Variants in MAD1L1 observed in about 807,000 individuals in gnomAD.
MAD1L1 encodes the protein mitotic spindle assembly checkpoint protein MAD1.
Under a neutral mutation model 96.9 loss-of-function variants are expected in MAD1L1, and 95 were observed. That is an observed-to-expected ratio of 0.98 (90% CI 0.83 to 1.16). The LOEUF is 1.16. Among genes scored for constraint, MAD1L1 ranks in the 50% most tolerant of loss-of-function variants. The pLI, the probability that MAD1L1 is intolerant of heterozygous loss-of-function variation, is 0.00. For missense variants in MAD1L1, 1,007 were observed against 954.4 expected (o/e 1.06, Z -0.73); for synonymous variants, 473 against 396.6 (o/e 1.19, Z -2.29).
intron 14 of MAD1L1, among the ~76,000 whole-genome samples, chr7:1,993,455 G>A (rs1210698752): frequency 3.3e-5 from 5 of 151,694 alleles, no homozygotes; most frequent in Admixed American, 6.6e-5. Flanking sequence ...TTCTGAAAGA[G>A]AAAATAACAC....
intron 18 of MAD1L1, among the ~76,000 whole-genome samples, chr7:1,878,666 T>A (rs1404318589): frequency 6.6e-6 from 1 of 151,946 alleles, no homozygotes; most frequent in Non-Finnish European, 1.5e-5. Flanking sequence ...AACTCATATT[T>A]AACAGCATAC....
At chr7:1,907,450 A>C (rs534485189) in intron 17 of MAD1L1, among the ~76,000 whole-genome samples, 49 of 152,382 alleles carry the variant, frequency 3.2e-4, no homozygotes, top group African/African-American at 1.2e-3. Context: ...GGCTTTAAAA[A>C]ACCCACAAAA....
chr7:1,936,569 G>C, intron 17 of MAD1L1, 118 bp downstream of exon 17: 1 of 1,073,364 alleles, frequency 9.3e-7, no homozygotes, highest in Non-Finnish European at 1.3e-6. Context: ...GCCCACAGGG[G>C]AGGACAAACC....
intron 18 of MAD1L1, among the ~76,000 whole-genome samples, chr7:1,851,106 C>G (rs1341415614): frequency 6.6e-6 from 1 of 152,260 alleles, no homozygotes; most frequent in Non-Finnish European, 1.5e-5. Flanking sequence ...GCGTCTGTGC[C>G]AGAATCTATA....
At chr7:1,830,704 A>G (rs1385843565) in intron 18 of MAD1L1, among the ~76,000 whole-genome samples, 1 of 151,602 alleles carries the variant, frequency 6.6e-6, no homozygotes, top group Non-Finnish European at 1.5e-5. Flanking sequence ...TCATTCGAGG[A>G]TGACTGTTAA....
At chr7:2,215,059 C>T (rs898928775) in intron 9 of MAD1L1, among the ~76,000 whole-genome samples, 10 of 151,976 alleles carry the variant, frequency 6.6e-5, no homozygotes, top group Non-Finnish European at 1.5e-4. Context: ...CAGGGAGACC[C>T]CATCTCTACA....
At chr7:2,007,712 C>T (rs1782098080) in intron 13 of MAD1L1, among the ~76,000 whole-genome samples, 1 of 152,198 alleles carries the variant, frequency 6.6e-6, no homozygotes, top group Admixed American at 6.5e-5. Context: ...CCCCACAATC[C>T]TACTCCTGGA....
chr7:1,952,008 A>T (rs1312261178), intron 16 of MAD1L1, among the ~76,000 whole-genome samples: 2 of 152,194 alleles, frequency 1.3e-5, no homozygotes, highest in African/African-American at 2.4e-5. Flanking sequence ...CATCAGTGGC[A>T]GCACCATGGC....
At chr7:1,996,107 C>T (rs1434978577) in intron 14 of MAD1L1, among the ~76,000 whole-genome samples, 1 of 151,808 alleles carries the variant, frequency 6.6e-6, no homozygotes, top group Non-Finnish European at 1.5e-5. Context: ...CCACGCCTCC[C>T]GTGTGTGCCG....
At chr7:2,070,879 A>T (rs1286796084) in intron 11 of MAD1L1, among the ~76,000 whole-genome samples, 1 of 152,206 alleles carries the variant, frequency 6.6e-6, no homozygotes, top group Non-Finnish European at 1.5e-5. Flanking sequence ...ACTTGAGGAA[A>T]AGTTTCATCC....
At chr7:1,891,354 T>C (rs1051570281) in intron 18 of MAD1L1, among the ~76,000 whole-genome samples, 2 of 151,928 alleles carry the variant, frequency 1.3e-5, no homozygotes, top group Non-Finnish European at 2.9e-5. Flanking sequence ...TGAAACCCCG[T>C]CTCTACTAAA....
chr7:2,085,314 A>C (rs1785858530), intron 11 of MAD1L1, among the ~76,000 whole-genome samples: 1 of 152,230 alleles, frequency 6.6e-6, no homozygotes, highest in Non-Finnish European at 1.5e-5. Flanking sequence ...GGTGCCTGCT[A>C]ACAAGCTCCA....
chr7:2,152,386 A>G (rs534709368), intron 10 of MAD1L1, among the ~76,000 whole-genome samples: 2 of 152,314 alleles, frequency 1.3e-5, no homozygotes, highest in South Asian at 4.1e-4. Context: ...GGGGCACCAG[A>G]AGGAATCCCT....
At chr7:1,905,292 A>C (rs1347656730) in intron 17 of MAD1L1, among the ~76,000 whole-genome samples, 6 of 42,456 alleles carry the variant, frequency 1.4e-4, no homozygotes, top group African/African-American at 3.6e-4. Flanking sequence ...CATGATTGAT[A>C]AAGCACTGTT....
chr7:2,116,830 C>G (rs1227960482), intron 11 of MAD1L1, among the ~76,000 whole-genome samples: 1 of 152,228 alleles, frequency 6.6e-6, no homozygotes, highest in Non-Finnish European at 1.5e-5. Flanking sequence ...TGGTCTGCAC[C>G]CTGCCTCTGC....
intron 10 of MAD1L1, among the ~76,000 whole-genome samples, chr7:2,192,939 A>C (rs937907842): frequency 1.3e-5 from 2 of 152,252 alleles, no homozygotes; most frequent in East Asian, 3.8e-4. Flanking sequence ...TGTGAACTTA[A>C]CACAAAATGT....
rs1197178518 is a variant in MAD1L1 at position 1,936,691 on chromosome 7, C to T, written c.1803G>A (p.Val601=). The T allele has an allele frequency of 1.3e-6, 2 of 1,551,006 alleles. No homozygotes were observed. The highest frequency in any genetic ancestry group is 1.4e-5 in the African/African-American group (1 of 73,438). The part of the protein sequence containing the change: ...AAASLPSSKE[V]AELKKQVESA... ...CCGGGGGTGGGGGGTGCCTACCTGC[C>T]ACCTCCTTGGACGATGGCAGACTCG... Residue 601 remains valine, a synonymous_variant, in exon 17 of 19, where the codon GTG becomes GTA. Transcript: ENST00000265854.
chr7:1,829,921 C>T (rs1168317187), intron 18 of MAD1L1, among the ~76,000 whole-genome samples: 2 of 152,162 alleles, frequency 1.3e-5, no homozygotes, highest in Admixed American at 6.5e-5. Flanking sequence ...ACAGTGAGAT[C>T]ACCTCTGTAA....
At chr7:2,232,018 A>G (rs553572061) in intron 1 of MAD1L1, among the ~76,000 whole-genome samples, 1 of 152,316 alleles carries the variant, frequency 6.6e-6, no homozygotes, top group East Asian at 1.9e-4. Flanking sequence ...ATGAAACCGA[A>G]GCTTCAAAAA....
Sources: allele counts gnomAD v4.1 joint callset (sites outside exome capture counted in the v4.1 genomes callset), GRCh38; gene constraint gnomAD v4.1.1; transcripts MANE v1.5; gene names NCBI Gene and HGNC (gene_info 2026-07-23, HGNC 2026-07-21).